The following RTN4R variants were observed in gnomAD, a reference collection of about 807,000 sequenced individuals.
The protein encoded by RTN4R is reticulon-4 receptor.
Under a neutral mutation model 27.7 loss-of-function variants are expected in RTN4R, and 4 were observed. The observed-to-expected ratio is 0.14, with a 90% CI of 0.07 to 0.33. RTN4R has a LOEUF of 0.33. Among genes scored for constraint, RTN4R ranks in the 10% least tolerant of loss-of-function variants. The probability of loss-of-function intolerance (pLI) is 1.00; values close to 1 mark genes in which losing one functional copy is unlikely to be tolerated. For missense variants in RTN4R, 554 were observed against 671.5 expected, an observed-to-expected ratio of 0.83 and a Z score of 1.93; for synonymous variants, 290 against 305.6, an observed-to-expected ratio of 0.95 and a Z score of 0.53.
At position 20,241,861 on chromosome 22, in the gene RTN4R, G is replaced by C. The variant is rs780545653; in HGVS notation, c.1272C>G (p.Arg424=). 6.2e-7 allele frequency: 1 copy of C among 1,609,476 alleles called. No homozygotes were observed. Among genetic ancestry groups the C allele is most frequent in the Non-Finnish European group, 8.5e-7 (1 of 1,178,786 alleles). The change falls in exon 2 of 2, where the codon CGC becomes CGG. Residue 424 remains arginine, a synonymous_variant. Coordinates refer to ENST00000043402, the MANE Select transcript of RTN4R (RefSeq NM_023004.6). ...GGCCCAGACGGCAGTGGCTGCGGGT[G>C]CGGTTCTTGCGTGAACAGCCTGGCC... ...RRRPGCSRKN[R]TRSHCRLGQA...
intron 1 of RTN4R, among the ~76,000 whole-genome samples, chr22:20,259,294 T>G (rs993070069): frequency 6.6e-6 from 1 of 152,232 alleles, no homozygotes; most frequent in Non-Finnish European, 1.5e-5. Context: ...GGGAGGTATG[T>G]AGATGGAATA....
In RTN4R at chr22:20,242,680, G is replaced by T. The variant is rs745427309; in HGVS notation, c.453C>A (p.Arg151=). 8 of 1,612,510 alleles carry T rather than the reference G, an allele frequency of 5.0e-6. No individual in the cohort carries two copies. Among genetic ancestry groups the T allele is most frequent in the Non-Finnish European group, 6.8e-6 (8 of 1,179,722 alleles). Residue 151 remains arginine, a synonymous_variant, in exon 2 of 2, where the codon CGC becomes CGA. Transcript: ENST00000043402. ...GLQELGPGLF[R]GLAALQYLYL... ...AGAGGTACTGCAGGGCAGCCAGGCC[G>T]CGGAACAGCCCCGGGCCCAGCTCCT... is the stretch of plus-strand genomic sequence containing the variant.
At chr22:20,261,256 ACCTGGGAG>A (rs1248169728) in intron 1 of RTN4R, among the ~76,000 whole-genome samples, 5 of 152,016 alleles carry the variant, frequency 3.3e-5, no homozygotes, top group African/African-American at 1.2e-4. Context: ...AGGGCTGAAA[ACCTGGGAG>A]GCCTCCAGGA....
At chr22:20,266,495 G>A (rs571401524) in intron 1 of RTN4R, among the ~76,000 whole-genome samples, 9 of 152,196 alleles carry the variant, frequency 5.9e-5, no homozygotes, top group Non-Finnish European at 1.0e-4. Flanking sequence ...CGGGGCCTCT[G>A]CAGTCACGCT....
chr22:20,259,331 C>T lies in RTN4R; in HGVS notation c.22+8740G>A, dbSNP rs1346345802. On this transcript the variant is annotated intron_variant, in intron 1 of 1. Coordinates refer to ENST00000043402, the MANE Select transcript of RTN4R (RefSeq NM_023004.6). Reference sequence around the variant, plus strand: ...CTTTATGGGGAGAGTTTTTCTTTTGCCAGTTTTCAAATAGGAAGCCAGACA... The same window carrying T: ...CTTTATGGGGAGAGTTTTTCTTTTGTCAGTTTTCAAATAGGAAGCCAGACA... 2.0e-5 allele frequency among the ~76,000 whole-genome samples: 3 copies of T among 152,174 alleles called. No individual in the cohort carries two copies. The South Asian group carries it at 6.2e-4, about 32-fold the overall frequency.
chr22:20,244,022 T>G (rs114444096), intron 1 of RTN4R, among the ~76,000 whole-genome samples: 4,322 of 152,286 alleles, frequency 0.028, 228 homozygotes, highest in African/African-American at 0.098. Context: ...CGGAGTAAGC[T>G]TTCCTGCCTC....
chr22:20,259,729 C>G (rs2051233798), intron 1 of RTN4R, among the ~76,000 whole-genome samples: 1 of 152,190 alleles, frequency 6.6e-6, no homozygotes, highest in Non-Finnish European at 1.5e-5. Context: ...AGACCTGGGG[C>G]CAGTGTGGCT....
rs374205280 is a variant in RTN4R at position 20,242,246 on chromosome 22, C to T, written c.887G>A (p.Arg296His). Residue 296 changes from arginine to histidine, a missense_variant, in exon 2 of 2, where the codon CGT becomes CAT. Transcript: ENST00000043402. ...PCSLPQRLAG[R>H]DLKRLAANDL... ...ATTGGCAGCTAGGCGTTTGAGGTCA[C>T]GGCCAGCCAGGCGTTGCGGGAGGCT... The T allele has an allele frequency of 8.1e-6, 13 of 1,600,618 alleles. No homozygotes were observed. The African/African-American group carries it at 1.3e-4, about 16-fold the overall frequency.
In RTN4R at chr22:20,242,109, C is replaced by T. The variant is rs201673080; in HGVS notation, c.1024G>A (p.Asp342Asn). Residue 342 changes from aspartate (D) to asparagine (N), a missense_variant, in exon 2 of 2, where the codon GAC becomes AAC. Coordinates refer to ENST00000043402, the MANE Select transcript of RTN4R (RefSeq NM_023004.6). ...CCAGGCTCCAGTACTGAGGCCTTGT[C>T]AGCGGCATCTGGCTGGCAGCACTTG... ...LPKCCQPDAADKASVLEPGRP... is the reference protein window; with the variant it reads ...LPKCCQPDAANKASVLEPGRP... 12 of 1,612,042 alleles carry T rather than the reference C, an allele frequency of 7.4e-6. No individual in the cohort carries two copies. The South Asian group carries it at 1.3e-4, about 18-fold the overall frequency.
intron 1 of RTN4R, chr22:20,243,602 C>A (rs774876642): frequency 1.9e-5 from 8 of 431,336 alleles, no homozygotes; most frequent in African/African-American, 1.2e-4. Context: ...TGCCCGAGGG[C>A]GGGGGTGGAG....
At position 20,242,521 on chromosome 22, in the gene RTN4R, G is replaced by A. The variant is rs2051114338; in HGVS notation, c.612C>T (p.Leu204=). ...GGTTCTGGTGCAGTAGGAGACGGTC[G>A]AGGCTGTGCAGCCCACGGAAGGCGC... is the stretch of plus-strand genomic sequence containing the variant. ...PERAFRGLHS[L]DRLLLHQNRV... Residue 204 remains leucine, a synonymous_variant, in exon 2 of 2, where the codon CTC becomes CTT. Transcript: ENST00000043402. 9 of 1,613,586 alleles carry A rather than the reference G, an allele frequency of 5.6e-6. No homozygotes were observed. The highest frequency in any genetic ancestry group is 5.9e-6 in the Non-Finnish European group (7 of 1,179,980).
intron 1 of RTN4R, among the ~76,000 whole-genome samples, chr22:20,259,406 C>T (rs565654580): frequency 1.2e-4 from 19 of 152,250 alleles, no homozygotes; most frequent in South Asian, 2.1e-4. Context: ...AAATTGGGGC[C>T]GAGGCAGGGA....
intron 1 of RTN4R, among the ~76,000 whole-genome samples, chr22:20,261,623 C>G (rs2051247714): frequency 6.6e-6 from 1 of 152,232 alleles, no homozygotes; most frequent in African/African-American, 2.4e-5. Context: ...TGAAGGCCAC[C>G]AACCCTGGGG....
intron 1 of RTN4R, among the ~76,000 whole-genome samples, chr22:20,264,042 C>G (rs1288160221): frequency 1.3e-5 from 2 of 152,176 alleles, no homozygotes; most frequent in African/African-American, 2.4e-5. Flanking sequence ...CTAGGAGGGG[C>G]AGGATCTGGC....
At chr22:20,246,344 A>G (rs1379789527) in intron 1 of RTN4R, among the ~76,000 whole-genome samples, 3 of 152,174 alleles carry the variant, frequency 2.0e-5, no homozygotes, top group Non-Finnish European at 4.4e-5. Flanking sequence ...TCCAGGACGC[A>G]TCCCCCTGAC....
intron 1 of RTN4R, chr22:20,267,479 C>A: frequency 2.6e-6 from 1 of 380,582 alleles, no homozygotes; most frequent in Non-Finnish European, 5.4e-6. Context: ...CTCTCAATGT[C>A]CCTCGGGCTG....
intron 1 of RTN4R, among the ~76,000 whole-genome samples, chr22:20,261,789 C>G (rs1262582266): frequency 6.6e-6 from 1 of 152,226 alleles, no homozygotes; most frequent in Non-Finnish European, 1.5e-5. Context: ...CTGGGCTCTT[C>G]AAGTGGAGAG....
At chr22:20,243,163 C>A in intron 1 of RTN4R, 53 bp from the exon 2 acceptor site, 2 of 1,565,920 alleles carry the variant, frequency 1.3e-6, no homozygotes, top group Non-Finnish European at 1.7e-6. Flanking sequence ...ACTGGAGAAG[C>A]TGGAGGTTTT....
intron 1 of RTN4R, among the ~76,000 whole-genome samples, chr22:20,266,985 C>T: frequency 6.6e-6 from 1 of 152,264 alleles, no homozygotes; most frequent in East Asian, 1.9e-4. Context: ...GGCCTCCCCA[C>T]TCAACAGACG....
Sources: gnomAD v4.1 joint callset for allele counts (sites outside exome capture counted in the v4.1 genomes callset) on GRCh38, gnomAD v4.1.1 for gene constraint, MANE v1.5 for transcripts, NCBI Gene and HGNC (gene_info 2026-07-23, HGNC 2026-07-21) for gene names.